The following CD3G variants were observed in gnomAD, a reference collection of about 807,000 sequenced individuals.
CD3G encodes CD3 gamma subunit of T-cell receptor complex.
In CD3G, 24 loss-of-function variants were observed where a neutral mutation model predicts 28.3. The observed-to-expected ratio is 0.85, with a 90% CI of 0.61 to 1.19. The LOEUF is 1.19. CD3G is among the 50% of genes most tolerant of loss of function. The pLI is 0.00. For missense variants in CD3G, 211 were observed against 210.0 expected, an observed-to-expected ratio of 1.00 and a Z score of -0.03; for synonymous variants, 71 against 75.9, an observed-to-expected ratio of 0.93 and a Z score of 0.34.
At chr11:118,348,055 G>A (rs1415807452) in intron 1 of CD3G, among the ~76,000 whole-genome samples, 2 of 152,194 alleles carry the variant, frequency 1.3e-5, no homozygotes, top group African/African-American at 4.8e-5. Context: ...TTTGGATAGT[G>A]CACACCCACT....
chr11:118,349,435 C>A, intron 2 of CD3G: 1 of 680,710 alleles, frequency 1.5e-6, no homozygotes, highest in East Asian at 3.4e-5. Context: ...AGTTTCTTAC[C>A]TGTATAGTAT....
chr11:118,352,357 TAATA>T lies in CD3G; in HGVS notation c.484-46_484-43del, dbSNP rs773087590. On this transcript the variant is annotated intron_variant, in intron 5 of 6. Coordinates refer to ENST00000532917, the MANE Select transcript of CD3G (RefSeq NM_000073.3). ...TTCAATAAACATGCATCAAATTAAT[TAATA>T]GAGGATGGAAAAAATGACTTATGAC... 8.1e-6 allele frequency: 12 copies of T among 1,478,856 alleles called. No individual in the cohort carries two copies. In the Admixed American group the frequency reaches 1.0e-4, roughly 12 times the overall value. 91.6% of individuals were successfully genotyped at this position (1,478,856 alleles called of 1,614,324 possible).
At chr11:118,350,876 C>T in intron 4 of CD3G, 193 bp downstream of exon 4, 1 of 854,698 alleles carries the variant, frequency 1.2e-6, no homozygotes, top group Non-Finnish European at 1.5e-6. Context: ...TCTCAAGATA[C>T]AGCTCCCTCT....
rs1188615170 is a variant in CD3G, at chr11:118,354,405, C to A, written c.*1305C>A. The A allele has an allele frequency of 6.7e-6, 1 of 150,202 alleles. No homozygotes were observed. The highest frequency in any genetic ancestry group is 2.1e-4 in the South Asian group (1 of 4,774). 9.3% of individuals were successfully genotyped at this position (150,202 alleles called of 1,614,324 possible). A position where few individuals can be genotyped will look rare whatever the true frequency, so the allele number is the denominator to read the frequency against. On this transcript the variant is annotated 3_prime_UTR_variant, in exon 7 of 7. Coordinates refer to ENST00000532917, the MANE Select transcript of CD3G (RefSeq NM_000073.3). ...GCAACCTCCACCTCCTGGGTTCAAG[C>A]GATTCTCTTGCCTTGGCCTCCCGAG...
intron 1 of CD3G, among the ~76,000 whole-genome samples, chr11:118,346,843 A>G (rs1200558039): frequency 1.3e-5 from 2 of 149,278 alleles, no homozygotes; most frequent in African/African-American, 4.9e-5. Flanking sequence ...AAAAAAAACT[A>G]TGTCAATGAT....
intron 3 of CD3G, 82 bp downstream of exon 3, chr11:118,350,052 T>A: frequency 2.0e-6 from 2 of 1,018,522 alleles, no homozygotes; most frequent in Non-Finnish European, 3.1e-6. Flanking sequence ...GGGGTGAAAG[T>A]GGAAATAGAT....
At chr11:118,348,651 C>G (rs1565521323) in intron 1 of CD3G, among the ~76,000 whole-genome samples, 1 of 152,170 alleles carries the variant, frequency 6.6e-6, no homozygotes, top group Non-Finnish European at 1.5e-5. Flanking sequence ...GCTGATACCA[C>G]TAGTTTCAAA....
chr11:118,347,299 A>T (rs1390433229), intron 1 of CD3G, among the ~76,000 whole-genome samples: 2 of 152,214 alleles, frequency 1.3e-5, no homozygotes, highest in Non-Finnish European at 2.9e-5. Context: ...CGTTTCCTCT[A>T]TTAAGCTTTC....
At position 118,349,896 on chromosome 11, in the gene CD3G, C is replaced by G. The variant is rs201643980; in HGVS notation, c.233C>G (p.Ala78Gly). 37 of 1,613,974 alleles carry G rather than the reference C, an allele frequency of 2.3e-5. No homozygotes were observed. Among genetic ancestry groups the G allele is most frequent in the Non-Finnish European group, 3.1e-5 (36 of 1,180,028 alleles). ...DKKKWNLGSN[A>G]KDPRGMYQCK... is the part of the protein sequence containing the mutation. ...AAAAAATGGAATCTGGGAAGTAATG[C>G]CAAGGACCCTCGAGGGATGTATCAG... Residue 78 changes from alanine (A) to glycine (G), a missense_variant, in exon 3 of 7, where the codon GCC (alanine) becomes GGC (glycine). By Grantham distance (60) the Ala-to-Gly change is moderately conservative. Transcript: ENST00000532917.
rs201124887 is a variant in CD3G, at chr11:118,349,907, C to T, written c.244C>T (p.Arg82Ter). 6.2e-7 allele frequency: 1 copy of T among 1,614,044 alleles called. No individual in the cohort carries two copies. Reference protein sequence around the residue: ...WNLGSNAKDPRGMYQCKGSQN... With the variant: ...WNLGSNAKDP ...TCTGGGAAGTAATGCCAAGGACCCT[C>T]GAGGGATGTATCAGTGTAAAGGATC... The change falls in exon 3 of 7, where the codon CGA (arginine) becomes TGA (stop). Residue 82 changes from arginine to a stop codon, truncating the protein, a stop_gained. Coordinates refer to ENST00000532917, the MANE Select transcript of CD3G (RefSeq NM_000073.3). LOFTEE classifies it high-confidence loss of function.
rs574193236 is a variant in CD3G at position 118,346,416 on chromosome 11, G to A, written c.55+1938G>A. ...GGTGCCACTGCACTCCAGCCTGGGC[G>A]ACAGAGTGAGACTCCGTCTCAAAAA... On this transcript the variant is annotated intron_variant, in intron 1 of 6. Coordinates refer to ENST00000532917, the MANE Select transcript of CD3G (RefSeq NM_000073.3). Among the ~76,000 whole-genome samples, 431 of 151,906 alleles carry A rather than the reference G, an allele frequency of 2.8e-3. 4 individuals carry two copies. Among genetic ancestry groups the A allele is most frequent in the African/African-American group, 8.9e-3 (370 of 41,390 alleles).
At position 118,354,907 on chromosome 11, in the gene CD3G, GTTTTTC is replaced by G. The variant is rs1158436674; in HGVS notation, c.*1810_*1815del. On this transcript the variant is annotated 3_prime_UTR_variant, in exon 7 of 7. Transcript: ENST00000532917. ...AATATTTTCTACCAATCTGTGGTTT[GTTTTTC>G]TTAATGGTGTCTTTTGAAGTGCAAA... 3.3e-5 allele frequency: 5 copies of G among 152,048 alleles called. No individual in the cohort carries two copies. The highest frequency in any genetic ancestry group is 3.3e-4 in the Admixed American group (5 of 15,268). The allele number at this position is 152,048 out of a possible 1,614,324, so 9.4% of individuals were successfully genotyped here.
chr11:118,350,373 G>A (rs1262493309), intron 3 of CD3G, among the ~76,000 whole-genome samples, 179 bp from the exon 4 acceptor site: 1 of 152,116 alleles, frequency 6.6e-6, no homozygotes, highest in Non-Finnish European at 1.5e-5. Flanking sequence ...GGAATCCTGG[G>A]GGACTTAAGA....
rs565827487 is a variant in CD3G, at chr11:118,349,026, G to A, written c.56-1G>A. 14 of 1,614,104 alleles carry A rather than the reference G, an allele frequency of 8.7e-6. No homozygotes were observed. In the East Asian group the frequency reaches 3.1e-4, roughly 36 times the overall value. ...ACTCTATCTCTCTTCTGTCTTTACAGGTACTTTGGCCCAGTCAATCAAAGG... is the reference window on the plus strand; with the variant it reads ...ACTCTATCTCTCTTCTGTCTTTACAAGTACTTTGGCCCAGTCAATCAAAGG... On this transcript the variant is annotated splice_acceptor_variant, in intron 1 of 6. Coordinates refer to ENST00000532917, the MANE Select transcript of CD3G (RefSeq NM_000073.3). LOFTEE classifies it high-confidence loss of function.
In CD3G at chr11:118,349,010, C is replaced by T. The variant is rs201370125; in HGVS notation, c.56-17C>T. 6.2e-7 allele frequency: 1 copy of T among 1,614,106 alleles called. No homozygotes were observed. The highest frequency in any genetic ancestry group is 8.5e-7 in the Non-Finnish European group (1 of 1,179,928). On this transcript the variant is annotated splice_polypyrimidine_tract_variant and intron_variant, in intron 1 of 6. Coordinates refer to ENST00000532917, the MANE Select transcript of CD3G (RefSeq NM_000073.3). ...TCCATGCCCAGCTAATACTCTATCT[C>T]TCTTCTGTCTTTACAGGTACTTTGG...
intron 6 of CD3G, 42 bp downstream of exon 6, chr11:118,352,529 C>T: frequency 1.5e-6 from 2 of 1,313,866 alleles, no homozygotes; most frequent in Non-Finnish European, 2.2e-6. Context: ...ACCCTTGCAT[C>T]AACTGCCCTC....
chr11:118,353,051 T>C (rs1382550991), intron 6 of CD3G, 68 bp from the exon 7 acceptor site: 1 of 158,250 alleles, frequency 6.3e-6, no homozygotes, highest in African/African-American at 2.4e-5. Flanking sequence ...CTGAAGTTTC[T>C]ATCAGGAAGA....
At chr11:118,344,519 C>T (rs200390526) in intron 1 of CD3G, 41 bp downstream of exon 1, 1 of 1,487,948 alleles carries the variant, frequency 6.7e-7, no homozygotes. Context: ...GGGAAGGGCT[C>T]AAGGGAAGAG....
At chr11:118,352,089 G>A (rs1325805592) in intron 5 of CD3G, among the ~76,000 whole-genome samples, 6 of 151,944 alleles carry the variant, frequency 3.9e-5, no homozygotes, top group South Asian at 2.1e-4. Flanking sequence ...GGAGGCGCGC[G>A]CCTGTAGTCC....
Sources: allele counts gnomAD v4.1 joint callset (sites outside exome capture counted in the v4.1 genomes callset), GRCh38; gene constraint gnomAD v4.1.1; transcripts MANE v1.5; gene names NCBI Gene and HGNC (gene_info 2026-07-23, HGNC 2026-07-21).